Variants in EZR observed in about 807,000 individuals in gnomAD.
EZR encodes the protein cytovillin 2.
Under a neutral mutation model 74.8 loss-of-function variants are expected in EZR, and 40 were observed. The observed-to-expected ratio is 0.53, with a 90% confidence interval of 0.42 to 0.70. The LOEUF (loss-of-function observed/expected upper bound fraction) is 0.70, where lower values mean the gene tolerates loss of function less well. Ranked by LOEUF, EZR falls within the 30% of genes least tolerant of loss-of-function variation. The pLI is 0.00. For synonymous variants in EZR, 341 were observed against 283.3 expected (o/e 1.20, Z -2.05); for missense variants, 678 against 755.8 (o/e 0.90, Z 1.21).
At chr6:158,794,687 A>G (rs1341157579) in intron 2 of EZR, among the ~76,000 whole-genome samples, 1 of 152,218 alleles carries the variant, frequency 6.6e-6, no homozygotes, top group Non-Finnish European at 1.5e-5. Context: ...AGTGAAGGCA[A>G]CGCAATCACG....
chr6:158,772,076 TCTC>T (rs1165980994), intron 8 of EZR, among the ~76,000 whole-genome samples: 2 of 152,076 alleles, frequency 1.3e-5, no homozygotes, highest in Non-Finnish European at 2.9e-5. Context: ...CTCGGTTCTC[TCTC>T]CTCAAAGCTA....
chr6:158,766,826 C>T lies in EZR; in HGVS notation c.*88G>A, dbSNP rs577592023. 3.1e-6 allele frequency: 4 copies of T among 1,298,672 alleles called. No homozygotes were observed. The highest frequency in any genetic ancestry group is 2.2e-6 in the Non-Finnish European group (2 of 930,230). 80.4% of individuals were successfully genotyped at this position (1,298,672 alleles called of 1,614,324 possible). A position where few individuals can be genotyped will look rare whatever the true frequency, so the allele number is the denominator to read the frequency against. On this transcript the variant is annotated 3_prime_UTR_variant, in exon 14 of 14. Transcript: ENST00000367075. Reference sequence around the variant, plus strand: ...AAGGAACTGGGATCTGAGGGAGTTCCTAGACTTGGAGCACTAAAGACACAA... The same window carrying T: ...AAGGAACTGGGATCTGAGGGAGTTCTTAGACTTGGAGCACTAAAGACACAA...
chr6:158,785,674 C>T (rs754713898), intron 4 of EZR, 91 bp from the exon 5 acceptor site: 7 of 1,468,140 alleles, frequency 4.8e-6, no homozygotes, highest in South Asian at 2.5e-5. Context: ...CTCAATGGGG[C>T]CCTCAAGCCA....
rs1777208431 is a variant in EZR at position 158,802,533 on chromosome 6, G to A, written c.13-13162C>T. ...GGCTAGTTAGGTTTTTGGTGGTAGT[G>A]TTTTGTTTGTTTTTTGAGGCGGAGT... is the stretch of plus-strand genomic sequence containing the variant. On this transcript the variant is annotated intron_variant, in intron 2 of 13. Transcript: ENST00000367075. 2.0e-5 allele frequency among the ~76,000 whole-genome samples: 3 copies of A among 152,200 alleles called. No homozygotes were observed. The South Asian group carries it at 6.2e-4, about 32-fold the overall frequency.
chr6:158,790,174 G>A (rs1053409798), intron 2 of EZR, among the ~76,000 whole-genome samples: 2 of 152,260 alleles, frequency 1.3e-5, no homozygotes, highest in South Asian at 2.1e-4. Context: ...TTATAATTAC[G>A]AAAATAGTAG....
rs559399152 is a variant in EZR at position 158,781,260 on chromosome 6, A to G, written c.698+2260T>C. 5.9e-5 allele frequency among the ~76,000 whole-genome samples: 9 copies of G among 152,290 alleles called. No individual in the cohort carries two copies. The South Asian group carries it at 1.0e-3, about 18-fold the overall frequency. ...GAATTTGGGCCTATTAAATGACTGA[A>G]TATCTACATAAATGCTTTTTTCATG... On this transcript the variant is annotated intron_variant, in intron 7 of 13. Transcript: ENST00000367075.
rs1791079794 is a variant in EZR, at chr6:158,770,768, C to T, written c.1086G>A (p.Glu362=). 1 of 1,614,188 alleles carries T rather than the reference C, an allele frequency of 6.2e-7. No individual in the cohort carries two copies. Among genetic ancestry groups the T allele is most frequent in the Non-Finnish European group, 8.5e-7 (1 of 1,180,030 alleles). ...QDYEEKTKKA[E]RELSEQIQRA... Reference sequence around the variant, plus strand: ...GCCAGCCCCAGGGCGCCTGACCTCTCTCTGCCTTCTTTGTCTTCTCCTCAT... The same window carrying T: ...GCCAGCCCCAGGGCGCCTGACCTCTTTCTGCCTTCTTTGTCTTCTCCTCAT... Residue 362 remains glutamate, a synonymous_variant, in exon 10 of 14, where the codon GAG becomes GAA. Transcript: ENST00000367075.
In EZR at chr6:158,767,527, TTAA is replaced by T. The variant is rs1441173212; in HGVS notation, c.1345-18_1345-16del. The T allele has an allele frequency of 6.4e-7, 1 of 1,558,532 alleles. No homozygotes were observed. The highest frequency in any genetic ancestry group is 8.7e-7 in the Non-Finnish European group (1 of 1,152,798). ...GCTTCTTTGGCCTTTGGAAAGCAAA[TTAA>T]TAAGAGGACTTCTCACCCAGAAGTC... On this transcript the variant is annotated splice_polypyrimidine_tract_variant and intron_variant, in intron 12 of 13. Transcript: ENST00000367075.
intron 2 of EZR, among the ~76,000 whole-genome samples, chr6:158,813,323 C>CCT (rs1777487292): frequency 6.6e-6 from 1 of 152,204 alleles, no homozygotes. Context: ...CTCATGTACC[C>CCT]CTCTTCAGGC....
At chr6:158,794,286 A>C (rs1234181878) in intron 2 of EZR, among the ~76,000 whole-genome samples, 1 of 152,064 alleles carries the variant, frequency 6.6e-6, no homozygotes, top group Admixed American at 6.5e-5. Flanking sequence ...AAACCACCAC[A>C]ACCACCACCA....
intron 12 of EZR, 90 bp from the exon 13 acceptor site, chr6:158,767,602 G>T: frequency 7.3e-7 from 1 of 1,365,762 alleles, no homozygotes; most frequent in Non-Finnish European, 9.9e-7. Context: ...CTCTGTCCTG[G>T]CAGGCTAAGG....
intron 2 of EZR, among the ~76,000 whole-genome samples, chr6:158,805,795 G>C (rs1245047058): frequency 6.6e-6 from 1 of 152,132 alleles, no homozygotes; most frequent in East Asian, 1.9e-4. Context: ...GACTGGAAAA[G>C]ACATGGTGTA....
At chr6:158,805,717 T>C (rs1428585411) in intron 2 of EZR, among the ~76,000 whole-genome samples, 1 of 152,218 alleles carries the variant, frequency 6.6e-6, no homozygotes, top group African/African-American at 2.4e-5. Context: ...AAAAAACTCT[T>C]CAATTTATAC....
At chr6:158,807,311 TC>T (rs1477933203) in intron 2 of EZR, among the ~76,000 whole-genome samples, 63 of 62,484 alleles carry the variant, frequency 1.0e-3, no homozygotes, top group Admixed American at 2.0e-3. Flanking sequence ...AGAGACTCCG[TC>T]TCAAAAAAAA....
In EZR at chr6:158,769,843, G is replaced by A. The variant is rs780497444; in HGVS notation, c.1192C>T (p.Arg398Trp). ...TGTCTCTCCAGCTCCTCCTTAGCCCGCAGTGCAGCCATACGGTCAGCCTCT... is the reference window on the plus strand; with the variant it reads ...TGTCTCTCCAGCTCCTCCTTAGCCCACAGTGCAGCCATACGGTCAGCCTCT... ...RLEADRMAAL[R>W]AKEELERQAV... Residue 398 changes from arginine (R) to tryptophan (W), a missense_variant, in exon 11 of 14, where the codon CGG (arginine) becomes TGG (tryptophan). Arg to Trp is a moderately radical substitution (Grantham distance 101, BLOSUM62 -3). This residue lies in a region of EZR where 342 missense variants were observed against 341.2 expected (regional missense o/e 1.00). Coordinates refer to ENST00000367075, the MANE Select transcript of EZR (RefSeq NM_001111077.2). 2.7e-5 allele frequency: 43 copies of A among 1,613,716 alleles called. No individual in the cohort carries two copies. Among genetic ancestry groups the A allele is most frequent in the South Asian group, 4.4e-5 (4 of 91,086 alleles).
At chr6:158,780,313 A>T (rs1047201002) in intron 7 of EZR, among the ~76,000 whole-genome samples, 1 of 152,212 alleles carries the variant, frequency 6.6e-6, no homozygotes, top group African/African-American at 2.4e-5. Flanking sequence ...ACAAATGAAC[A>T]CTTAAGATTA....
At chr6:158,817,779 C>CT (rs989697006) in intron 2 of EZR, among the ~76,000 whole-genome samples, 4 of 152,100 alleles carry the variant, frequency 2.6e-5, no homozygotes, top group South Asian at 2.1e-4. Context: ...TTACTATACC[C>CT]TTTAAAAACA....
rs1415140466 is a variant in EZR, at chr6:158,771,391, G to C, written c.812C>G (p.Ala271Gly). 2.5e-6 allele frequency: 4 copies of C among 1,609,312 alleles called. No homozygotes were observed. Among genetic ancestry groups the C allele is most frequent in the Non-Finnish European group, 2.5e-6 (3 of 1,177,476 alleles). ...CCGCTTGTTGATTCTCAGACGTGGG[G>C]CATAAAACACAAAGTCCTACAAAAC... ...DKKAPDFVFYAPRLRINKRIL... is the reference protein window; with the variant it reads ...DKKAPDFVFYGPRLRINKRIL... Residue 271 changes from alanine (A) to glycine (G), a missense_variant, in exon 9 of 14, where the codon GCC becomes GGC. By Grantham distance (60) the Ala-to-Gly change is moderately conservative. Transcript: ENST00000367075.
chr6:158,769,301 G>A (rs371201571), intron 12 of EZR, 25 bp downstream of exon 12: 122 of 1,600,456 alleles, frequency 7.6e-5, no homozygotes, highest in Middle Eastern at 1.7e-4. Context: ...GTGGCCGTGC[G>A]GAGGTGTCCC....
Sources: allele counts gnomAD v4.1 joint callset (sites outside exome capture counted in the v4.1 genomes callset), GRCh38; gene constraint gnomAD v4.1.1; regional missense constraint gnomAD v4.1.1; transcripts MANE v1.5; gene names NCBI Gene and HGNC (gene_info 2026-07-23, HGNC 2026-07-21).